CHST12: variants seen among roughly 807,000 people sequenced by gnomAD.
The protein encoded by CHST12 is carbohydrate sulfotransferase 12, also known as carbohydrate (chondroitin 4) sulfotransferase 12.
In CHST12, 23 loss-of-function variants were observed where a neutral mutation model predicts 27.9. That is an observed-to-expected ratio of 0.82 (90% CI 0.59 to 1.17). CHST12 has a LOEUF of 1.17. Ranked by LOEUF, CHST12 falls within the 50% of genes most tolerant of loss-of-function variation. The pLI, the probability that CHST12 is intolerant of heterozygous loss-of-function variation, is 0.00. For synonymous variants in CHST12, 322 were observed against 273.0 expected (o/e 1.18, Z -1.77); for missense variants, 682 against 603.0 (o/e 1.13, Z -1.37).
At chr7:2,414,621 G>C (rs1034489832) in intron 1 of CHST12, among the ~76,000 whole-genome samples, 4 of 152,084 alleles carry the variant, frequency 2.6e-5, no homozygotes, top group African/African-American at 9.7e-5. Context: ...AGAATCCTAA[G>C]TTTTAAATTT....
chr7:2,431,440 G>A (rs532552710), intron 1 of CHST12, among the ~76,000 whole-genome samples: 4 of 152,224 alleles, frequency 2.6e-5, no homozygotes, highest in Non-Finnish European at 5.9e-5. Context: ...GATAGGGGTG[G>A]AGTAGAGTTG....
At chr7:2,404,439 CGGGGCTGT>C (rs1781467584) in intron 1 of CHST12, among the ~76,000 whole-genome samples, 1 of 152,098 alleles carries the variant, frequency 6.6e-6, no homozygotes, top group African/African-American at 2.4e-5. Context: ...AGTTCATAAG[CGGGGCTGT>C]GGGGACTCGG....
chr7:2,437,521 G>T lies in CHST12; in HGVS notation c.*3637G>T. On this transcript the variant is annotated 3_prime_UTR_variant, in exon 2 of 2. Coordinates refer to ENST00000618655, the MANE Select transcript of CHST12 (RefSeq NM_018641.5). ...CCCCAGTGGATATTTAGTGGAGTTT[G>T]CTGTAGTGCTTTTGCCATTTATTTG... is the stretch of plus-strand genomic sequence containing the variant. 1 of 152,346 alleles carries T rather than the reference G, an allele frequency of 6.6e-6. No homozygotes were observed. Among genetic ancestry groups the T allele is most frequent in the Non-Finnish European group, 1.5e-5 (1 of 68,042 alleles). 9.4% of individuals were successfully genotyped at this position (152,346 alleles called of 1,614,324 possible).
At chr7:2,426,128 G>A (rs1782112094) in intron 1 of CHST12, among the ~76,000 whole-genome samples, 1 of 152,156 alleles carries the variant, frequency 6.6e-6, no homozygotes, top group Non-Finnish European at 1.5e-5. Flanking sequence ...GCTGGCTGTG[G>A]GGACGAATAT....
At chr7:2,420,997 G>A (rs150615426) in intron 1 of CHST12, among the ~76,000 whole-genome samples, 1,749 of 151,896 alleles carry the variant, frequency 0.012, 13 homozygotes, top group Non-Finnish European at 0.021. Flanking sequence ...TGAGTAGCTG[G>A]GATTACAGGC....
chr7:2,408,621 T>C, intron 1 of CHST12, among the ~76,000 whole-genome samples: 1 of 152,192 alleles, frequency 6.6e-6, no homozygotes, highest in Non-Finnish European at 1.5e-5. Context: ...TGAGAAATTC[T>C]GAAGGATGCA....
At chr7:2,409,501 C>T (rs1002093985) in intron 1 of CHST12, among the ~76,000 whole-genome samples, 3 of 151,900 alleles carry the variant, frequency 2.0e-5, no homozygotes, top group African/African-American at 7.3e-5. Flanking sequence ...TGTCTCAGCT[C>T]CTTGGGAGGC....
chr7:2,413,024 G>C (rs542378134), intron 1 of CHST12, among the ~76,000 whole-genome samples: 5 of 152,138 alleles, frequency 3.3e-5, no homozygotes, highest in Admixed American at 1.3e-4. Flanking sequence ...GGCCGGGGCA[G>C]ATTCTAAAGA....
chr7:2,421,227 CT>C (rs60332594), intron 1 of CHST12, among the ~76,000 whole-genome samples: 65,534 of 92,098 alleles, frequency 0.71, 21,975 homozygotes, highest in East Asian at 0.86. Flanking sequence ...CCTGCTAATT[CT>C]TTTTTTTTTT....
At chr7:2,419,032 A>G (rs576154322) in intron 1 of CHST12, among the ~76,000 whole-genome samples, 84 of 152,318 alleles carry the variant, frequency 5.5e-4, no homozygotes, top group Non-Finnish European at 1.1e-3. Context: ...CCCTTGGCTC[A>G]AGCAATCCCC....
Position 2,433,910 on chromosome 7 carries a change from G to A in CHST12, c.*26G>A, listed in dbSNP as rs370596350. ...AAGCTTTCGCGTTGCTTTTTCTCGC[G>A]TGCCTGGAACCTGACGCACGCGCAC... On this transcript the variant is annotated 3_prime_UTR_variant, in exon 2 of 2. Transcript: ENST00000618655. This position sits in a 1 kb window ranked among gnomAD's most constrained non-coding sequence, Gnocchi z 6.1. The A allele has an allele frequency of 4.5e-6, 7 of 1,538,880 alleles. No individual in the cohort carries two copies. Among genetic ancestry groups the A allele is most frequent in the Non-Finnish European group, 4.4e-6 (5 of 1,141,966 alleles).
rs986190950 is a variant in CHST12, at chr7:2,446,305, C to T, written c.*12421C>T. On this transcript the variant is annotated 3_prime_UTR_variant, in exon 2 of 2. Transcript: ENST00000618655. ...TGAGCGCCAGCCGCAGTCTGGGGGA[C>T]GGGAGCCTCGTGCGACTCTCGGAGT... 2.8e-4 allele frequency: 42 copies of T among 152,710 alleles called. No homozygotes were observed. The highest frequency in any genetic ancestry group is 5.3e-4 in the Non-Finnish European group (36 of 68,088). 9.5% of individuals were successfully genotyped at this position (152,710 alleles called of 1,614,324 possible). A position where few individuals can be genotyped will look rare whatever the true frequency, so the allele number is the denominator to read the frequency against.
chr7:2,406,373 G>A (rs1188224122), intron 1 of CHST12, among the ~76,000 whole-genome samples: 3 of 147,676 alleles, frequency 2.0e-5, no homozygotes, highest in Non-Finnish European at 4.5e-5. Context: ...ACGGGGTGGG[G>A]GCACAGTTGA....
At chr7:2,419,215 C>T (rs1033149336) in intron 1 of CHST12, among the ~76,000 whole-genome samples, 3 of 152,188 alleles carry the variant, frequency 2.0e-5, no homozygotes, top group Admixed American at 6.5e-5. Context: ...TCAAGACCAT[C>T]CTGGTCAACA....
At chr7:2,429,915 TAGGACTAC>T in intron 1 of CHST12, among the ~76,000 whole-genome samples, 1 of 152,226 alleles carries the variant, frequency 6.6e-6, no homozygotes, top group East Asian at 1.9e-4. Flanking sequence ...CCAGAGTAGC[TAGGACTAC>T]AGGTGCATGC....
chr7:2,434,118 C>CCGCCCGCTCGCT lies in CHST12; in HGVS notation c.*245_*246insTCGCCCGCTCGC. The stretch of plus-strand genomic sequence containing the variant: ...CTCTCCCCTCCGCCCGCCCACCCGC[C>CCGCCCGCTCGCT]CGCCCGCTCGCCCGCTCGCCCGCTC... On this transcript the variant is annotated 3_prime_UTR_variant, in exon 2 of 2. Coordinates refer to ENST00000618655, the MANE Select transcript of CHST12 (RefSeq NM_018641.5). 2.8e-6 allele frequency: 1 copy of CCGCCCGCTCGCT among 353,530 alleles called. No individual in the cohort carries two copies. The highest frequency in any genetic ancestry group is 5.0e-5 in the Admixed American group (1 of 20,044). 21.9% of individuals were successfully genotyped at this position (353,530 alleles called of 1,614,324 possible).
rs950474649 is a variant in CHST12 at position 2,437,915 on chromosome 7, A to AGGTGGGGAG, written c.*4031_*4032insGGTGGGGAG. ...TCTCTCTCCCCGCCCTGTCTCCTGC[A>AGGTGGGGAG]CTCAGGTGAGAGGCTGGCAGGGCTG... is the stretch of plus-strand genomic sequence containing the variant. On this transcript the variant is annotated 3_prime_UTR_variant, in exon 2 of 2. Coordinates refer to ENST00000618655, the MANE Select transcript of CHST12 (RefSeq NM_018641.5). 2 of 152,132 alleles carry AGGTGGGGAG rather than the reference A, an allele frequency of 1.3e-5. No individual in the cohort carries two copies. Among genetic ancestry groups the AGGTGGGGAG allele is most frequent in the South Asian group, 2.1e-4 (1 of 4,814 alleles). 9.4% of individuals were successfully genotyped at this position (152,132 alleles called of 1,614,324 possible). A position where few individuals can be genotyped will look rare whatever the true frequency, so the allele number is the denominator to read the frequency against.
chr7:2,408,336 C>T (rs747474937), intron 1 of CHST12, among the ~76,000 whole-genome samples: 30 of 137,824 alleles, frequency 2.2e-4, no homozygotes, highest in Middle Eastern at 4.2e-3. Context: ...CACTCCAGCC[C>T]GGGCAACAAG....
chr7:2,443,536 TG>T lies in CHST12; in HGVS notation c.*9656del, dbSNP rs1782671446. 1 of 152,062 alleles carries T rather than the reference TG, an allele frequency of 6.6e-6. No homozygotes were observed. Among genetic ancestry groups the T allele is most frequent in the Non-Finnish European group, 1.5e-5 (1 of 68,012 alleles). 9.4% of individuals were successfully genotyped at this position (152,062 alleles called of 1,614,324 possible). A position where few individuals can be genotyped will look rare whatever the true frequency, so the allele number is the denominator to read the frequency against. On this transcript the variant is annotated 3_prime_UTR_variant, in exon 2 of 2. Coordinates refer to ENST00000618655, the MANE Select transcript of CHST12 (RefSeq NM_018641.5). ...GAGTATATGCCTAGGAGTAGGAGTG[TG>T]GGGTCATATGGTAATTTATCTTTAA...
Sources: gnomAD v4.1 joint callset for allele counts (sites outside exome capture counted in the v4.1 genomes callset) on GRCh38, gnomAD v4.1.1 for gene constraint, Gnocchi (gnomAD v3.1) non-coding constraint, MANE v1.5 for transcripts, NCBI Gene and HGNC (gene_info 2026-07-23, HGNC 2026-07-21) for gene names.